Variants in PTK2 observed in about 807,000 individuals in gnomAD.
PTK2 encodes the protein focal adhesion kinase 1.
In PTK2, 45 loss-of-function variants were observed where a neutral mutation model predicts 150.1. The ratio of observed to expected loss-of-function variants is 0.30; its 90% confidence interval spans 0.24 to 0.38. The LOEUF (loss-of-function observed/expected upper bound fraction) is 0.38, where lower values mean the gene tolerates loss of function less well. Ranked by LOEUF, PTK2 falls within the 10% of genes least tolerant of loss-of-function variation. PTK2 has a pLI of 1.00. For missense variants in PTK2, 919 were observed against 1,307.3 expected (o/e 0.70, Z 4.58); for synonymous variants, 432 against 449.2 (o/e 0.96, Z 0.48).
At chr8:140,784,146 C>T (rs2100083501) in intron 14 of PTK2, among the ~76,000 whole-genome samples, 1 of 152,094 alleles carries the variant, frequency 6.6e-6, no homozygotes, top group Admixed American at 6.5e-5. Flanking sequence ...GCCTGGGTGA[C>T]AAAGTGGGGG....
At position 140,702,593 on chromosome 8, in the gene PTK2, C is replaced by T. The variant is rs141196660; in HGVS notation, c.2344G>A (p.Ala782Thr). ...ACCTCCACATTGGGCTGCCACATTG[C>T]TATCTCCTGAGGTCTATGATTCCAT... The change falls in exon 25 of 32, where the codon GCA becomes ACA. Residue 782 changes from alanine to threonine, a missense_variant. By Grantham distance (58) the Ala-to-Thr change is moderately conservative. This residue lies in a region of PTK2 where 258 missense variants were observed against 265.4 expected (regional missense o/e 0.97). Transcript: ENST00000522684. 651 of 1,613,510 alleles carry T rather than the reference C, an allele frequency of 4.0e-4. 1 individual carries two copies. In the African/African-American group the frequency reaches 7.6e-3, roughly 19 times the overall value.
intron 8 of PTK2, chr8:140,822,301 A>G (rs1200872683): frequency 6.6e-6 from 1 of 152,130 alleles, no homozygotes; most frequent in Non-Finnish European, 1.5e-5. Flanking sequence ...ATTCATGGCT[A>G]CAGGAGGAAC....
At chr8:140,803,434 T>G (rs1178826879) in intron 11 of PTK2, 109 bp downstream of exon 11, 5 of 825,920 alleles carry the variant, frequency 6.1e-6, no homozygotes, top group Non-Finnish European at 8.1e-6. Flanking sequence ...AAGAAAGTTG[T>G]GATTCTGATG....
At chr8:140,772,780 G>A (rs1395618728) in intron 14 of PTK2, among the ~76,000 whole-genome samples, 1 of 152,174 alleles carries the variant, frequency 6.6e-6, no homozygotes, top group Non-Finnish European at 1.5e-5. Flanking sequence ...ATAGTGAAAT[G>A]GAGGAAAGAA....
At chr8:140,980,905 C>G (rs375414537) in intron 1 of PTK2, among the ~76,000 whole-genome samples, 4 of 150,616 alleles carry the variant, frequency 2.7e-5, no homozygotes, top group East Asian at 2.0e-4. Flanking sequence ...TGCCCGCCAC[C>G]ATGGCCAGCT....
At chr8:140,770,716 C>T in intron 14 of PTK2, 1 of 1,326,536 alleles carries the variant, frequency 7.5e-7, no homozygotes, top group Non-Finnish European at 1.0e-6. Context: ...AGTGCAGTAC[C>T]CGTAGAAGGA....
At chr8:140,701,560 C>T (rs2100030473) in intron 25 of PTK2, among the ~76,000 whole-genome samples, 1 of 152,044 alleles carries the variant, frequency 6.6e-6, no homozygotes, top group Non-Finnish European at 1.5e-5. Context: ...GTTACTGTAC[C>T]TAGGTCAAAT....
chr8:140,760,848 T>C (rs569274011), intron 16 of PTK2, among the ~76,000 whole-genome samples: 1 of 152,216 alleles, frequency 6.6e-6, no homozygotes, highest in Non-Finnish European at 1.5e-5. Context: ...GGTAAATAGG[T>C]ATACTGGCTG....
intron 1 of PTK2, among the ~76,000 whole-genome samples, chr8:140,929,255 G>A (rs990252182): frequency 1.8e-4 from 27 of 151,930 alleles, no homozygotes; most frequent in Non-Finnish European, 3.1e-4. Flanking sequence ...GTGAGCCACC[G>A]CGCCCGGCCA....
chr8:140,988,977 G>GGAATTA, intron 1 of PTK2, among the ~76,000 whole-genome samples: 1 of 150,122 alleles, frequency 6.7e-6, no homozygotes, highest in East Asian at 1.9e-4. Flanking sequence ...AAATAACAGA[G>GGAATTA]GAATTACTTC....
intron 30 of PTK2, among the ~76,000 whole-genome samples, chr8:140,667,852 T>C (rs1296742070): frequency 6.6e-6 from 1 of 152,188 alleles, no homozygotes; most frequent in Non-Finnish European, 1.5e-5. Flanking sequence ...ATAATGATCA[T>C]TCCTCTACTT....
chr8:140,686,612 T>C lies in PTK2; in HGVS notation c.2562+20A>G. On this transcript the variant is annotated intron_variant, in intron 27 of 31. Coordinates refer to ENST00000522684, the Ensembl canonical transcript of PTK2. Reference sequence around the variant, plus strand: ...CACAGGAGAACTGGAAATCAAATCCTGCTGAAAACTCAGGCTTACCGGACC... The same window carrying C: ...CACAGGAGAACTGGAAATCAAATCCCGCTGAAAACTCAGGCTTACCGGACC... 1 of 1,603,332 alleles carries C rather than the reference T, an allele frequency of 6.2e-7. No homozygotes were observed. Among genetic ancestry groups the C allele is most frequent in the Non-Finnish European group, 8.5e-7 (1 of 1,170,268 alleles).
chr8:140,684,933 C>G (rs957246382), intron 27 of PTK2, among the ~76,000 whole-genome samples: 2 of 152,120 alleles, frequency 1.3e-5, no homozygotes, highest in Non-Finnish European at 2.9e-5. Context: ...CCTGAATAGT[C>G]AAAGCAATCC....
chr8:140,951,185 C>T (rs1162177788), intron 1 of PTK2, among the ~76,000 whole-genome samples: 4 of 152,128 alleles, frequency 2.6e-5, no homozygotes, highest in African/African-American at 9.7e-5. Flanking sequence ...CAACTCAATT[C>T]CTCCCAAACT....
chr8:140,996,994 C>A (rs913773121), intron 1 of PTK2, among the ~76,000 whole-genome samples: 3 of 152,188 alleles, frequency 2.0e-5, no homozygotes, highest in African/African-American at 7.2e-5. Flanking sequence ...AAGGATTCAC[C>A]ATTCTAGATG....
intron 22 of PTK2, among the ~76,000 whole-genome samples, chr8:140,719,175 CA>C (rs200439158): frequency 7.3e-5 from 11 of 150,430 alleles, no homozygotes; most frequent in South Asian, 2.1e-4. Flanking sequence ...GACTCCACCT[CA>C]AAAAAAAACC....
In PTK2 at chr8:140,785,494, ATCT is replaced by A. The variant is rs375817539; in HGVS notation, c.1177+3977_1177+3979del. On this transcript the variant is annotated intron_variant, in intron 14 of 31. Coordinates refer to ENST00000522684, the Ensembl canonical transcript of PTK2. ...AGAGCTCTGAGGAGGAAGAGTCCAG[ATCT>A]TCTTAAAGTACTCAGGAAAGCTTTC... is the stretch of plus-strand genomic sequence containing the variant. Among the ~76,000 whole-genome samples, 101 of 152,284 alleles carry A rather than the reference ATCT, an allele frequency of 6.6e-4. 1 individual carries two copies. The South Asian group carries it at 0.02, about 30-fold the overall frequency.
intron 16 of PTK2, among the ~76,000 whole-genome samples, chr8:140,753,960 C>A (rs187223599): frequency 6.6e-6 from 1 of 152,266 alleles, no homozygotes; most frequent in Admixed American, 6.5e-5. Flanking sequence ...TTTAAAAATA[C>A]CTTAAATTGT....
At chr8:140,869,457 C>T in intron 4 of PTK2, among the ~76,000 whole-genome samples, 1 of 152,158 alleles carries the variant, frequency 6.6e-6, no homozygotes, top group South Asian at 2.1e-4. Context: ...GTGTGTTCTG[C>T]TCAGGGAGAC....
Sources: allele counts gnomAD v4.1 joint callset (sites outside exome capture counted in the v4.1 genomes callset), GRCh38; gene constraint gnomAD v4.1.1; regional missense constraint gnomAD v4.1.1; transcripts MANE v1.5; gene names NCBI Gene and HGNC (gene_info 2026-07-23, HGNC 2026-07-21).